SYNE2: variants seen among roughly 807,000 people sequenced by gnomAD.
SYNE2 encodes the protein nesprin-2.
SYNE2 carries 431 observed loss-of-function variants against 856.3 expected under a neutral mutation model. The observed-to-expected ratio is 0.50, with a 90% confidence interval of 0.47 to 0.55. The LOEUF is 0.55. SYNE2 is among the 20% of genes least tolerant of loss of function. The pLI is 0.00. For synonymous variants in SYNE2, 2,923 were observed against 2,872.3 expected (o/e 1.02, Z -0.56); for missense variants, 8,129 against 8,023.2 (o/e 1.01, Z -0.50).
chr14:63,850,839 A>G (rs1890384414), upstream of SYNE2, among the ~76,000 whole-genome samples: 1 of 152,192 alleles, frequency 6.6e-6, no homozygotes, highest in Non-Finnish European at 1.5e-5. Flanking sequence ...GAAGGAAACA[A>G]TGACTAGGAA....
At chr14:63,901,294 G>A (rs1305618824) in intron 1 of SYNE2, among the ~76,000 whole-genome samples, 2 of 152,152 alleles carry the variant, frequency 1.3e-5, no homozygotes, top group African/African-American at 2.4e-5. Flanking sequence ...TGAAGACATA[G>A]ATGTACAGGT....
rs373231298 is a variant in SYNE2, at chr14:64,021,356, G to A, written c.5193G>A (p.Gln1731=). Residue 1731 remains glutamine (Q), a synonymous_variant, in exon 36 of 116, where the codon CAG becomes CAA. Transcript: ENST00000555002. Reference sequence around the variant, plus strand: ...TTTTGAACAAGATGGAACATGTACAGAAGTGCTTAACAGGAGAATCCAACT... The same window carrying A: ...TTTTGAACAAGATGGAACATGTACAAAAGTGCTTAACAGGAGAATCCAACT... The part of the protein sequence containing the change: ...SSILNKMEHV[Q]KCLTGESNCH... 3.8e-5 allele frequency: 61 copies of A among 1,614,032 alleles called. No individual in the cohort carries two copies. In the African/African-American group the frequency reaches 7.5e-4, roughly 20 times the overall value.
intron 21 of SYNE2, among the ~76,000 whole-genome samples, chr14:63,992,938 G>A (rs984719650): frequency 2.6e-5 from 4 of 152,114 alleles, no homozygotes; most frequent in Admixed American, 6.6e-5. Context: ...AGCTTCTCCC[G>A]GAGTTATTCA....
At chr14:63,894,192 T>A (rs1490736064) in intron 1 of SYNE2, among the ~76,000 whole-genome samples, 1 of 151,940 alleles carries the variant, frequency 6.6e-6, no homozygotes, top group Non-Finnish European at 1.5e-5. Context: ...TTTAATGTGC[T>A]GGCATTTTAT....
rs145625550 is a variant in SYNE2 at position 63,858,490 on chromosome 14, C to T, written c.-52+5347C>T. On this transcript the variant is annotated intron_variant, in intron 1 of 115. Coordinates refer to ENST00000555002, the MANE Select transcript of SYNE2 (RefSeq NM_182914.3). The stretch of plus-strand genomic sequence containing the variant: ...GGAGTGCAGTGGCTTGATCTCAGCT[C>T]ACTGCAACCTCTGCCTCCCAGGTTC... Among the ~76,000 whole-genome samples the T allele has an allele frequency of 5.0e-3, 755 of 151,748 alleles. 4 individuals carry two copies. Among genetic ancestry groups the T allele is most frequent in the African/African-American group, 0.018 (726 of 41,308 alleles).
In SYNE2 at chr14:64,167,330, T is replaced by C; in HGVS notation, c.16703T>C (p.Leu5568Ser). 1 of 1,614,228 alleles carries C rather than the reference T, an allele frequency of 6.2e-7. No individual in the cohort carries two copies. The highest frequency in any genetic ancestry group is 8.5e-7 in the Non-Finnish European group (1 of 1,180,046). Residue 5568 changes from leucine to serine, a missense_variant, in exon 91 of 116, where the codon TTA becomes TCA. Physicochemically the swap from Leu to Ser is moderately radical, Grantham distance 145. This residue lies in a region of SYNE2 where 5,410 missense variants were observed against 5,284.8 expected (regional missense o/e 1.02). Coordinates refer to ENST00000555002, the MANE Select transcript of SYNE2 (RefSeq NM_182914.3). ...CTTAGTGACGTAGCTGTGAAGACGT[T>C]ACAAAATATGAACCGGCAATGGATT... The part of the protein sequence containing the change: ...LPLSDVAVKT[L>S]QNMNRQWIRA...
At chr14:64,138,113 G>A (rs2098111025) in intron 79 of SYNE2, 130 bp downstream of exon 79, 3 of 1,003,914 alleles carry the variant, frequency 3.0e-6, no homozygotes, top group South Asian at 1.4e-5. Context: ...TAAAGCAGTT[G>A]GGTCCCTCTT....
Position 64,209,451 on chromosome 14 carries a change from G to A in SYNE2, c.18413G>A (p.Trp6138Ter). 1 of 1,614,232 alleles carries A rather than the reference G, an allele frequency of 6.2e-7. No individual in the cohort carries two copies. ...RMKIEETWRL[W>*]QKFLDDYSRF... is the part of the protein sequence containing the mutation. Reference sequence around the variant, plus strand: ...AGAATCGAGGAGACGTGGCGCCTGTGGCAGAAGTTTTTAGACGACTATTCT... The same window carrying A: ...AGAATCGAGGAGACGTGGCGCCTGTAGCAGAAGTTTTTAGACGACTATTCT... Residue 6138 changes from tryptophan (W) to a stop codon, truncating the protein, a stop_gained, in exon 102 of 116, where the codon TGG becomes TAG. Transcript: ENST00000555002. LOFTEE classifies it high-confidence loss of function.
intron 84 of SYNE2, among the ~76,000 whole-genome samples, chr14:64,150,356 A>ACTG (rs1466149059): frequency 8.4e-5 from 12 of 143,086 alleles, no homozygotes; most frequent in African/African-American, 3.1e-4. Context: ...AGTAGCTGGG[A>ACTG]CTGTAGGCGT....
At chr14:64,089,827 A>T in intron 59 of SYNE2, 131 bp downstream of exon 59, 3 of 728,210 alleles carry the variant, frequency 4.1e-6, no homozygotes, top group Non-Finnish European at 6.8e-6. Flanking sequence ...TGGGAAATTG[A>T]TGGGAATAAC....
intron 1 of SYNE2, among the ~76,000 whole-genome samples, chr14:63,882,559 TAAA>T (rs11311787): frequency 3.5e-5 from 5 of 143,360 alleles, no homozygotes; most frequent in Non-Finnish European, 4.6e-5. Flanking sequence ...CTACACAAAG[TAAA>T]AAAAAAAAAA....
intron 32 of SYNE2, 36 bp downstream of exon 32, chr14:64,010,152 G>A: frequency 4.4e-6 from 7 of 1,588,844 alleles, no homozygotes; most frequent in Non-Finnish European, 6.0e-6. Flanking sequence ...ACTGCCCAGT[G>A]ACCTCACTGA....
At chr14:63,921,510 A>G (rs1239289018) in intron 2 of SYNE2, among the ~76,000 whole-genome samples, 2 of 152,246 alleles carry the variant, frequency 1.3e-5, no homozygotes, top group African/African-American at 4.8e-5. Flanking sequence ...AGAAGTAGGA[A>G]GAGACCCAAC....
In SYNE2 at chr14:64,119,494, G is replaced by A; in HGVS notation, c.12908G>A (p.Gly4303Glu). 6.2e-7 allele frequency: 1 copy of A among 1,614,238 alleles called. No homozygotes were observed. The highest frequency in any genetic ancestry group is 8.5e-7 in the Non-Finnish European group (1 of 1,180,042). The change falls in exon 67 of 116, where the codon GGA (glycine) becomes GAA (glutamate). Residue 4303 changes from glycine (G) to glutamate (E), a missense_variant. Transcript: ENST00000555002. ...LLETCKDQGL[G>E]DNGATQHEAE... ...GAGACTTGCAAAGATCAGGGCCTGG[G>A]AGATAATGGAGCCACTCAACATGAG...
chr14:63,763,247 C>A (rs1046308912), intron 1 of SYNE2, among the ~76,000 whole-genome samples: 1 of 152,182 alleles, frequency 6.6e-6, no homozygotes, highest in South Asian at 2.1e-4. Flanking sequence ...GGATTATAGG[C>A]ATGAGCCACC....
At chr14:64,186,787 G>C (rs2139510179) in intron 97 of SYNE2, among the ~76,000 whole-genome samples, 1 of 152,316 alleles carries the variant, frequency 6.6e-6, no homozygotes, top group East Asian at 1.9e-4. Context: ...CTAGAACTTT[G>C]CACGCTTTTA....
chr14:63,917,022 G>A lies in SYNE2; in HGVS notation c.79+7795G>A, dbSNP rs142285907. Among the ~76,000 whole-genome samples, 178 of 152,248 alleles carry A rather than the reference G, an allele frequency of 1.2e-3. 1 individual carries two copies. Among genetic ancestry groups the A allele is most frequent in the Admixed American group, 3.5e-3 (54 of 15,286 alleles). On this transcript the variant is annotated intron_variant, in intron 2 of 115. Coordinates refer to ENST00000555002, the MANE Select transcript of SYNE2 (RefSeq NM_182914.3). The stretch of plus-strand genomic sequence containing the variant: ...GGAGGACCTCTTGAGCCCAAGAGTT[G>A]AGCCTGCAGTAAGCTATGATCGTAC...
In SYNE2 at chr14:64,162,265, C is replaced by T; in HGVS notation, c.16288C>T (p.Gln5430Ter). ...NLAEILPPAL[Q>*]DIKELQHDVQ... The stretch of plus-strand genomic sequence containing the variant: ...GGCAGAGATCCTGCCCCCAGCCCTG[C>T]AGGACATAAAGGTGGGTACAAAGCC... Residue 5430 changes from glutamine (Q) to a stop codon, truncating the protein, a stop_gained, in exon 88 of 116, where the codon CAG becomes TAG. Transcript: ENST00000555002. LOFTEE classifies it high-confidence loss of function. 6.2e-7 allele frequency: 1 copy of T among 1,614,138 alleles called. No homozygotes were observed.
At chr14:64,017,872 A>G in intron 34 of SYNE2, 116 bp downstream of exon 34, 5 of 1,029,584 alleles carry the variant, frequency 4.9e-6, no homozygotes, top group Non-Finnish European at 7.3e-6. Context: ...TATCAAGAAA[A>G]TCACAGACAT....
Sources: gnomAD v4.1 joint callset for allele counts (sites outside exome capture counted in the v4.1 genomes callset) on GRCh38, gnomAD v4.1.1 for gene constraint, gnomAD v4.1.1 regional missense constraint, MANE v1.5 for transcripts, NCBI Gene and HGNC (gene_info 2026-07-23, HGNC 2026-07-21) for gene names.